The following FRMD1 variants were observed in gnomAD, a reference collection of about 807,000 sequenced individuals.
FRMD1 encodes the protein FERM domain containing 1.
FRMD1 carries 51 observed loss-of-function variants against 54.9 expected under a neutral mutation model. The observed-to-expected ratio is 0.93, with a 90% CI of 0.74 to 1.17. The LOEUF is 1.17. Ranked by LOEUF, FRMD1 falls within the 50% of genes most tolerant of loss-of-function variation. FRMD1 has a pLI of 0.00. For synonymous variants in FRMD1, 324 were observed against 306.4 expected, an observed-to-expected ratio of 1.06 and a Z score of -0.60; for missense variants, 729 against 743.0, an observed-to-expected ratio of 0.98 and a Z score of 0.22.
intron 1 of FRMD1, chr6:168,075,650 G>A (rs967818538): frequency 2.0e-6 from 2 of 1,008,322 alleles, no homozygotes; most frequent in Non-Finnish European, 3.0e-6. Context: ...ACGATGCAGC[G>A]TCAACTCCAG....
chr6:168,079,194 T>A lies in FRMD1; in HGVS notation c.-100A>T, dbSNP rs1278933441. 2 of 1,422,880 alleles carry A rather than the reference T, an allele frequency of 1.4e-6. No individual in the cohort carries two copies. The highest frequency in any genetic ancestry group is 1.8e-6 in the Non-Finnish European group (2 of 1,088,682). 88.1% of individuals were successfully genotyped at this position (1,422,880 alleles called of 1,614,324 possible). A position where few individuals can be genotyped will look rare whatever the true frequency, so the allele number is the denominator to read the frequency against. On this transcript the variant is annotated 5_prime_UTR_variant, in exon 1 of 11. Transcript: ENST00000283309. ...TTCCGGGACCCGCCCTTGCCGAGCT[T>A]CTCACTGGGAAGGGAATTGAGAGGG...
At chr6:168,073,388 G>A (rs1488080978) in intron 2 of FRMD1, among the ~76,000 whole-genome samples, 1 of 152,140 alleles carries the variant, frequency 6.6e-6, no homozygotes, top group Non-Finnish European at 1.5e-5. Flanking sequence ...GGGTCCCCTG[G>A]GGGACTCAGG....
At chr6:168,066,161 A>T (rs1800015457) in intron 4 of FRMD1, 13 of 986,458 alleles carry the variant, frequency 1.3e-5, no homozygotes, top group Non-Finnish European at 1.6e-5. Context: ...CCACCCCCGG[A>T]TGGTATACCC....
intron 2 of FRMD1, among the ~76,000 whole-genome samples, chr6:168,070,468 T>A (rs1319527191): frequency 6.6e-6 from 1 of 151,978 alleles, no homozygotes; most frequent in Non-Finnish European, 1.5e-5. Flanking sequence ...GTGGGCCTTG[T>A]CTAGTCGGTT....
At chr6:168,063,144 C>T (rs1031524485) in intron 6 of FRMD1, among the ~76,000 whole-genome samples, 185 bp from the exon 7 acceptor site, 2 of 152,202 alleles carry the variant, frequency 1.3e-5, no homozygotes, top group Non-Finnish European at 1.5e-5. Context: ...ATAGCACAAG[C>T]ACTGCCTTTC....
chr6:168,067,766 C>G (rs1800118366), intron 2 of FRMD1, among the ~76,000 whole-genome samples: 1 of 152,234 alleles, frequency 6.6e-6, no homozygotes, highest in South Asian at 2.1e-4. Flanking sequence ...CCCTCTTCCT[C>G]TGCAACCCAG....
At chr6:168,065,250 C>A in intron 4 of FRMD1, 193 bp from the exon 5 acceptor site, 1 of 1,352,294 alleles carries the variant, frequency 7.4e-7, no homozygotes, top group Non-Finnish European at 9.5e-7. Context: ...CTTCCTGGAG[C>A]GGGGCACAGG....
At chr6:168,085,088 C>T (rs1800896229), upstream of FRMD1, among the ~76,000 whole-genome samples, 1 of 152,222 alleles carries the variant, frequency 6.6e-6, no homozygotes, top group Admixed American at 6.5e-5. Context: ...CTCCACAGTC[C>T]CCAGCTTCTG....
At chr6:168,057,577 G>C (rs1271853240) in intron 10 of FRMD1, 3 of 570,052 alleles carry the variant, frequency 5.3e-6, no homozygotes, top group Non-Finnish European at 6.1e-6. Flanking sequence ...CTTCTTTCCT[G>C]GGGCTGCTTT....
At chr6:168,060,349 G>T (rs1305381001) in intron 9 of FRMD1, among the ~76,000 whole-genome samples, 1 of 120,576 alleles carries the variant, frequency 8.3e-6, no homozygotes, top group Non-Finnish European at 1.7e-5. Flanking sequence ...TTCCTTGGGA[G>T]GGGGGTTCTT....
upstream of FRMD1, chr6:168,081,418 C>T (rs1233348788): frequency 6.5e-7 from 1 of 1,535,536 alleles, no homozygotes; most frequent in Non-Finnish European, 8.7e-7. Flanking sequence ...GATGTCAGGG[C>T]CGGGCAGTGG....
upstream of FRMD1, among the ~76,000 whole-genome samples, chr6:168,082,017 C>T (rs1800840581): frequency 6.6e-6 from 1 of 152,238 alleles, no homozygotes; most frequent in Non-Finnish European, 1.5e-5. Flanking sequence ...ATAGGTCAAC[C>T]CATTCCACCA....
intron 8 of FRMD1, 76 bp from the exon 9 acceptor site, chr6:168,061,133 G>C: frequency 6.9e-7 from 1 of 1,445,964 alleles, no homozygotes; most frequent in Non-Finnish European, 9.3e-7. Flanking sequence ...AAGAGCCCGG[G>C]AGACAGAAAT....
rs568250634 is a variant in FRMD1, at chr6:168,063,586, C to A, written c.804+15G>T. The stretch of plus-strand genomic sequence containing the variant: ...AGTCAGAGTCCAGCCCATCGCTGGC[C>A]GCCCTGGGCTCGACCTTGTGCAGCC... On this transcript the variant is annotated intron_variant, in intron 6 of 10. Coordinates refer to ENST00000283309, the MANE Select transcript of FRMD1 (RefSeq NM_024919.6). The A allele has an allele frequency of 6.3e-7, 1 of 1,599,580 alleles. No homozygotes were observed.
At chr6:168,080,819 G>A (rs1271684949), upstream of FRMD1, among the ~76,000 whole-genome samples, 3 of 150,678 alleles carry the variant, frequency 2.0e-5, no homozygotes, top group Non-Finnish European at 2.9e-5. Flanking sequence ...TGGTGTGTGC[G>A]GGCGCTGGTT....
intron 2 of FRMD1, among the ~76,000 whole-genome samples, chr6:168,072,622 C>A (rs1562423383): frequency 6.6e-6 from 1 of 152,218 alleles, no homozygotes; most frequent in Non-Finnish European, 1.5e-5. Flanking sequence ...CGGTGATGAA[C>A]ATGATGCACA....
intron 3 of FRMD1, chr6:168,067,056 C>T (rs746487954): frequency 3.0e-5 from 22 of 733,366 alleles, no homozygotes; most frequent in Admixed American, 6.0e-5. Flanking sequence ...AGGCGGGCTT[C>T]GGGCGGGCAC....
chr6:168,062,435 C>G (rs151142050), intron 7 of FRMD1, among the ~76,000 whole-genome samples: 1 of 152,342 alleles, frequency 6.6e-6, no homozygotes, highest in Non-Finnish European at 1.5e-5. Context: ...AATTGGGAGC[C>G]AGAAGTTTTC....
At chr6:168,089,714 C>A (rs922827668) in intron 1 of FRMD1, among the ~76,000 whole-genome samples, 4 of 152,280 alleles carry the variant, frequency 2.6e-5, no homozygotes, top group Admixed American at 2.6e-4. Flanking sequence ...CAGCGGGGAG[C>A]GGAAAATCGA....
Sources: allele counts gnomAD v4.1 joint callset (sites outside exome capture counted in the v4.1 genomes callset), GRCh38; gene constraint gnomAD v4.1.1; transcripts MANE v1.5; gene names NCBI Gene and HGNC (gene_info 2026-07-23, HGNC 2026-07-21).